Variants in ARHGAP42 observed in about 807,000 individuals in gnomAD.
The protein encoded by ARHGAP42 is Rho GTPase activating protein 42.
Under a neutral mutation model 125.0 loss-of-function variants are expected in ARHGAP42, and 63 were observed. The observed-to-expected ratio is 0.50, with a 90% CI of 0.41 to 0.62. The LOEUF is 0.62. ARHGAP42 is among the 20% of genes least tolerant of loss of function. The pLI is 0.00. For synonymous variants in ARHGAP42, 339 were observed against 351.0 expected (o/e 0.97, Z 0.38); for missense variants, 766 against 1,024.2 (o/e 0.75, Z 3.44).
intron 22 of ARHGAP42, among the ~76,000 whole-genome samples, chr11:100,982,739 T>C (rs1200590951): frequency 6.6e-6 from 1 of 152,198 alleles, no homozygotes; most frequent in African/African-American, 2.4e-5. Context: ...GAGTGTCTGG[T>C]TCATTGTAAA....
chr11:100,704,241 A>T (rs963314191), intron 1 of ARHGAP42, among the ~76,000 whole-genome samples: 1 of 152,212 alleles, frequency 6.6e-6, no homozygotes, highest in African/African-American at 2.4e-5. Context: ...TATTTAAAAG[A>T]AAAAAGAAGG....
At chr11:100,837,666 C>CTATTATTTT (rs1555008871) in intron 3 of ARHGAP42, among the ~76,000 whole-genome samples, 2 of 61,040 alleles carry the variant, frequency 3.3e-5, no homozygotes, top group East Asian at 1.2e-3. Flanking sequence ...AGGTGTCATC[C>CTATTATTTT]TTTTTTTTTT....
intron 4 of ARHGAP42, among the ~76,000 whole-genome samples, chr11:100,863,950 A>G (rs545402936): frequency 6.6e-6 from 1 of 152,336 alleles, no homozygotes; most frequent in East Asian, 1.9e-4. Context: ...TGCAAAAGTA[A>G]TGGCAAAAAC....
intron 3 of ARHGAP42, among the ~76,000 whole-genome samples, chr11:100,843,812 T>C (rs1436642147): frequency 6.6e-6 from 1 of 151,890 alleles, no homozygotes; most frequent in African/African-American, 2.4e-5. Flanking sequence ...CACAAACAAA[T>C]GGAAACACGT....
At chr11:100,908,163 G>C (rs943955828) in intron 4 of ARHGAP42, among the ~76,000 whole-genome samples, 1 of 152,070 alleles carries the variant, frequency 6.6e-6, no homozygotes, top group African/African-American at 2.4e-5. Context: ...TTTAAACAAA[G>C]CTTTCTAGTA....
chr11:100,866,473 A>G (rs967109270), intron 4 of ARHGAP42, among the ~76,000 whole-genome samples: 15 of 152,180 alleles, frequency 9.9e-5, no homozygotes, highest in African/African-American at 2.4e-5. Flanking sequence ...GTATTAGTCT[A>G]TTCTCCCACT....
In ARHGAP42 at chr11:100,976,856, G is replaced by A. The variant is rs1458644883; in HGVS notation, c.2278G>A (p.Val760Ile). Residue 760 changes from valine (V) to isoleucine (I), a missense_variant, in exon 21 of 24, where the codon GTA (valine) becomes ATA (isoleucine). Coordinates refer to ENST00000298815, the MANE Select transcript of ARHGAP42 (RefSeq NM_152432.4). Reference protein sequence around the residue: ...YSGSIQSLTSVGSKETPKASP... With the variant: ...YSGSIQSLTSIGSKETPKASP... ...TGGATCTATTCAAAGCTTAACTTCT[G>A]TAGGTTCCAAGGAGACACCCAAAGC... 7.7e-6 allele frequency: 12 copies of A among 1,551,180 alleles called. No individual in the cohort carries two copies. Among genetic ancestry groups the A allele is most frequent in the Non-Finnish European group, 1.0e-5 (12 of 1,146,858 alleles).
chr11:100,949,238 A>G (rs1044563443), intron 11 of ARHGAP42, among the ~76,000 whole-genome samples: 1 of 152,084 alleles, frequency 6.6e-6, no homozygotes, highest in Non-Finnish European at 1.5e-5. Flanking sequence ...TGTGGTCCTC[A>G]GACTTTGAGA....
At chr11:100,934,470 T>A (rs1284819611) in intron 7 of ARHGAP42, among the ~76,000 whole-genome samples, 2 of 152,240 alleles carry the variant, frequency 1.3e-5, no homozygotes, top group Admixed American at 1.3e-4. Flanking sequence ...CTATCAGAAT[T>A]TATTTTGTAA....
chr11:100,817,667 T>C (rs1864300429), intron 3 of ARHGAP42, among the ~76,000 whole-genome samples: 1 of 152,228 alleles, frequency 6.6e-6, no homozygotes, highest in African/African-American at 2.4e-5. Context: ...CTAAGCTTCT[T>C]ACATGAATGC....
At chr11:100,793,533 C>T (rs1863624716) in intron 2 of ARHGAP42, among the ~76,000 whole-genome samples, 1 of 152,050 alleles carries the variant, frequency 6.6e-6, no homozygotes, top group Non-Finnish European at 1.5e-5. Context: ...ATATTTCACA[C>T]CAGTTTGGCT....
At chr11:100,981,052 A>C (rs1462006009) in intron 22 of ARHGAP42, among the ~76,000 whole-genome samples, 1 of 152,170 alleles carries the variant, frequency 6.6e-6, no homozygotes, top group East Asian at 1.9e-4. Flanking sequence ...AATGAACTTT[A>C]GGTCAGACAG....
intron 3 of ARHGAP42, among the ~76,000 whole-genome samples, chr11:100,858,123 G>T (rs537126589): frequency 1.0e-3 from 150 of 149,272 alleles, no homozygotes; most frequent in Non-Finnish European, 1.7e-3. Context: ...GTGTGTGTGT[G>T]TTTATGTAAT....
At chr11:100,903,709 A>AATATATATAT (rs139506492) in intron 4 of ARHGAP42, among the ~76,000 whole-genome samples, 669 of 62,872 alleles carry the variant, frequency 0.011, 10 homozygotes, top group South Asian at 0.014. Context: ...TGTCCCTCAA[A>AATATATATAT]ATATATATAT....
intron 2 of ARHGAP42, among the ~76,000 whole-genome samples, chr11:100,789,658 G>C (rs866903958): frequency 1.3e-5 from 2 of 152,180 alleles, no homozygotes; most frequent in African/African-American, 2.4e-5. Context: ...ATAACGTACA[G>C]AGTTGTGTGC....
intron 2 of ARHGAP42, among the ~76,000 whole-genome samples, chr11:100,771,765 AT>A (rs919559511): frequency 4.0e-5 from 6 of 151,300 alleles, no homozygotes; most frequent in South Asian, 2.1e-4. Context: ...TGCCTGGCTA[AT>A]TTTTTTTTGT....
At chr11:100,933,294 A>C (rs1005653083) in intron 7 of ARHGAP42, 34 bp downstream of exon 7, 5 of 1,400,400 alleles carry the variant, frequency 3.6e-6, no homozygotes, top group South Asian at 1.4e-5. Flanking sequence ...GTCTCTCAGC[A>C]AATCTGCAAA....
chr11:100,938,363 G>A (rs1591308384), intron 8 of ARHGAP42, among the ~76,000 whole-genome samples: 1 of 152,056 alleles, frequency 6.6e-6, no homozygotes, highest in East Asian at 1.9e-4. Flanking sequence ...TTGTTTTGAT[G>A]GACCCTTAGC....
chr11:100,727,626 C>T (rs1454721250), intron 1 of ARHGAP42, among the ~76,000 whole-genome samples: 1 of 152,112 alleles, frequency 6.6e-6, no homozygotes, highest in Admixed American at 6.6e-5. Context: ...CTATGAGGTT[C>T]CGGGAGCTTC....
Sources: allele counts gnomAD v4.1 joint callset (sites outside exome capture counted in the v4.1 genomes callset), GRCh38; gene constraint gnomAD v4.1.1; transcripts MANE v1.5; gene names NCBI Gene and HGNC (gene_info 2026-07-23, HGNC 2026-07-21).